The following SENP7 variants were observed in gnomAD, a reference collection of about 807,000 sequenced individuals.
SENP7 encodes sentrin-specific protease 7.
Under a neutral mutation model 141.2 loss-of-function variants are expected in SENP7, and 64 were observed. The ratio of observed to expected loss-of-function variants is 0.45; its 90% CI spans 0.37 to 0.56. SENP7 has a LOEUF of 0.56. SENP7 is among the 20% of genes least tolerant of loss of function. The probability of loss-of-function intolerance (pLI) is 0.00; values close to 1 mark genes in which losing one functional copy is unlikely to be tolerated. For missense variants in SENP7, 1,025 were observed against 1,212.2 expected, an observed-to-expected ratio of 0.85 and a Z score of 2.29; for synonymous variants, 382 against 426.4, an observed-to-expected ratio of 0.90 and a Z score of 1.28.
intron 4 of SENP7, among the ~76,000 whole-genome samples, chr3:101,431,699 G>A (rs770470791): frequency 1.6e-4 from 25 of 151,570 alleles, no homozygotes; most frequent in Admixed American, 9.9e-4. Context: ...AAGGAGAATC[G>A]CTTGAACCCG....
intron 2 of SENP7, among the ~76,000 whole-genome samples, chr3:101,496,286 C>T (rs2065155692): frequency 6.6e-6 from 1 of 152,116 alleles, no homozygotes; most frequent in Non-Finnish European, 1.5e-5. Context: ...GACAGGGTCT[C>T]GCTCTGTCAC....
At chr3:101,335,676 T>C (rs2059165749) in intron 17 of SENP7, among the ~76,000 whole-genome samples, 2 of 152,160 alleles carry the variant, frequency 1.3e-5, no homozygotes, top group African/African-American at 2.4e-5. Flanking sequence ...AGTTTGAAGG[T>C]GAGTATACAA....
At chr3:101,414,702 A>G (rs2061559774) in intron 5 of SENP7, 1 of 914,964 alleles carries the variant, frequency 1.1e-6, no homozygotes, top group Admixed American at 2.7e-5. Flanking sequence ...TGGGAACTTT[A>G]GTATTTTAAG....
chr3:101,500,233 C>A (rs2065324345), intron 2 of SENP7, among the ~76,000 whole-genome samples: 2 of 152,134 alleles, frequency 1.3e-5, no homozygotes, highest in Admixed American at 1.3e-4. Flanking sequence ...GATATTACTG[C>A]ATTTAAAGAA....
chr3:101,377,150 A>C (rs2060359899), intron 6 of SENP7, among the ~76,000 whole-genome samples: 1 of 152,192 alleles, frequency 6.6e-6, no homozygotes, highest in Non-Finnish European at 1.5e-5. Context: ...AATTAAACCC[A>C]AAACTGCATC....
At chr3:101,512,656 G>A (rs950721547) in intron 1 of SENP7, among the ~76,000 whole-genome samples, 1 of 152,312 alleles carries the variant, frequency 6.6e-6, no homozygotes, top group East Asian at 1.9e-4. Context: ...TACCTGCTGA[G>A]GGAAAGAGGA....
intron 1 of SENP7, among the ~76,000 whole-genome samples, chr3:101,504,287 T>C (rs1349208632): frequency 7.5e-6 from 1 of 132,862 alleles, no homozygotes; most frequent in Non-Finnish European, 1.6e-5. Flanking sequence ...CCCGTCTCTA[T>C]TAAAAATACA....
rs115571796 is a variant in SENP7, at chr3:101,362,569, C to G, written c.1477-708G>C. Among the ~76,000 whole-genome samples, 924 of 152,168 alleles carry G rather than the reference C, an allele frequency of 6.1e-3. 6 individuals carry two copies. The highest frequency in any genetic ancestry group is 0.021 in the African/African-American group (890 of 41,508). ...TTGGGCTTCTATTGAACCTGTCACC[C>G]AGATAATACCCAACAGGAAGTTTTA... On this transcript the variant is annotated intron_variant, in intron 10 of 23. Coordinates refer to ENST00000394095, the MANE Select transcript of SENP7 (RefSeq NM_020654.5).
intron 6 of SENP7, among the ~76,000 whole-genome samples, chr3:101,380,811 TA>T (rs1445450101): frequency 6.6e-6 from 1 of 151,998 alleles, no homozygotes; most frequent in Admixed American, 6.5e-5. Flanking sequence ...GCAACACATA[TA>T]AAATGAAAAT....
chr3:101,399,835 AGGCTGGTTTCAAACTCCTG>A (rs1385137920), intron 5 of SENP7, among the ~76,000 whole-genome samples: 2 of 152,188 alleles, frequency 1.3e-5, no homozygotes, highest in Non-Finnish European at 1.5e-5. Context: ...TATGTTGTCC[AGGCTGGTTTCAAACTCCTG>A]GGCTCAAGCA....
intron 6 of SENP7, among the ~76,000 whole-genome samples, chr3:101,393,348 C>T (rs1241028720): frequency 1.3e-5 from 2 of 152,026 alleles, no homozygotes; most frequent in South Asian, 2.1e-4. Flanking sequence ...GGGATTACAT[C>T]AAAATTAAAA....
At chr3:101,423,275 T>A (rs2061845741) in intron 4 of SENP7, among the ~76,000 whole-genome samples, 1 of 152,104 alleles carries the variant, frequency 6.6e-6, no homozygotes, top group African/African-American at 2.4e-5. Context: ...GAAGATTTCT[T>A]AAAGTTCAAT....
At chr3:101,469,038 A>G (rs542428731) in intron 3 of SENP7, among the ~76,000 whole-genome samples, 37 of 152,300 alleles carry the variant, frequency 2.4e-4, no homozygotes, top group Middle Eastern at 6.8e-3. Context: ...AGCAAATGGA[A>G]AGCAAAAAAA....
At chr3:101,350,487 T>G (rs1359060806) in intron 12 of SENP7, among the ~76,000 whole-genome samples, 2 of 152,052 alleles carry the variant, frequency 1.3e-5, no homozygotes, top group African/African-American at 2.4e-5. Flanking sequence ...AAGACTAATA[T>G]TTTCTTCTTT....
chr3:101,504,175 G>A (rs1339884062), intron 1 of SENP7, among the ~76,000 whole-genome samples: 1 of 151,954 alleles, frequency 6.6e-6, no homozygotes, highest in Non-Finnish European at 1.5e-5. Context: ...TTTGGGCCAG[G>A]CGCGGTGGCT....
chr3:101,457,434 A>G, intron 4 of SENP7: 1 of 1,578,022 alleles, frequency 6.3e-7, no homozygotes, highest in Non-Finnish European at 8.7e-7. Context: ...CATTTCTGTC[A>G]GCTGCTTTGT....
chr3:101,456,922 TG>T (rs35146885), intron 4 of SENP7, among the ~76,000 whole-genome samples: 9,828 of 152,074 alleles, frequency 0.065, 465 homozygotes, highest in Non-Finnish European at 0.097. Context: ...CCACTGCGCC[TG>T]GCCTTAATGA....
chr3:101,501,123 C>T lies in SENP7; in HGVS notation c.41-4G>A. The T allele has an allele frequency of 7.5e-6, 12 of 1,599,958 alleles. No individual in the cohort carries two copies. The highest frequency in any genetic ancestry group is 1.0e-5 in the Non-Finnish European group (12 of 1,170,624). On this transcript the variant is annotated splice_polypyrimidine_tract_variant and splice_region_variant and intron_variant, in intron 1 of 23. Transcript: ENST00000394095. ...CTTTTTCCTTCTGTGATGATTTCTA[C>T]AAAAACCAAAGACGTGGTAAAAATT...
intron 6 of SENP7, among the ~76,000 whole-genome samples, chr3:101,384,148 C>G (rs2060586762): frequency 1.3e-5 from 2 of 152,238 alleles, no homozygotes; most frequent in South Asian, 4.1e-4. Flanking sequence ...CAAATAGGAG[C>G]TATCCACTTC....
Sources: allele counts gnomAD v4.1 joint callset (sites outside exome capture counted in the v4.1 genomes callset), GRCh38; gene constraint gnomAD v4.1.1; transcripts MANE v1.5; gene names NCBI Gene and HGNC (gene_info 2026-07-23, HGNC 2026-07-21).